Variants in CYP2C19 observed in about 807,000 individuals in gnomAD.
CYP2C19 encodes the protein cytochrome P450 family 2 subfamily C member 19, also known as cytochrome P450 2C19.
Under a neutral mutation model 40.9 loss-of-function variants are expected in CYP2C19, and 59 were observed. That is an observed-to-expected ratio of 1.44 (90% confidence interval 1.17 to 1.79). The LOEUF (loss-of-function observed/expected upper bound fraction) is 1.79, where lower values mean the gene tolerates loss of function less well. CYP2C19 is among the 40% of genes most tolerant of loss of function. The pLI, the probability that CYP2C19 is intolerant of heterozygous loss-of-function variation, is 0.00. For synonymous variants in CYP2C19, 253 were observed against 208.7 expected, an observed-to-expected ratio of 1.21 and a Z score of -1.83; for missense variants, 754 against 596.9, an observed-to-expected ratio of 1.26 and a Z score of -2.74.
intron 5 of CYP2C19, among the ~76,000 whole-genome samples, chr10:94,787,506 C>A (rs192934585): frequency 3.3e-5 from 5 of 152,102 alleles, no homozygotes; most frequent in African/African-American, 9.6e-5. Context: ...TTAATTAGGT[C>A]CCACTTGTCA....
intron 4 of CYP2C19, 106 bp from the exon 5 acceptor site, chr10:94,781,715 A>G (rs1848480122): frequency 4.3e-6 from 2 of 461,154 alleles, no homozygotes; most frequent in Non-Finnish European, 6.9e-6. Flanking sequence ...GATATACAAT[A>G]TATTTTATTT....
At chr10:94,828,987 T>C (rs1239822828) in intron 6 of CYP2C19, among the ~76,000 whole-genome samples, 2 of 152,100 alleles carry the variant, frequency 1.3e-5, no homozygotes, top group Admixed American at 6.5e-5. Context: ...TGTTGAATAT[T>C]GGCCCCCACT....
intron 5 of CYP2C19, among the ~76,000 whole-genome samples, chr10:94,784,446 T>A (rs903382160): frequency 6.6e-6 from 1 of 152,058 alleles, no homozygotes; most frequent in Non-Finnish European, 1.5e-5. Context: ...TAATTTTATG[T>A]TTATCTTCTT....
At position 94,817,208 on chromosome 10, in the gene CYP2C19, G is replaced by A. The variant is rs999607085; in HGVS notation, c.820-3288G>A. 3.1e-3 allele frequency among the ~76,000 whole-genome samples: 460 copies of A among 146,594 alleles called. 11 individuals carry two copies. The highest frequency in any genetic ancestry group is 0.011 in the African/African-American group (438 of 39,668). On this transcript the variant is annotated intron_variant, in intron 5 of 8. Transcript: ENST00000371321. ...ACAGTCCCACCAACAGTGTAAAAGT[G>A]TTCCCATTTCTCCACATCCTCTCCA...
In CYP2C19 at chr10:94,810,263, A is replaced by T. The variant is rs140115838; in HGVS notation, c.820-10233A>T. ...TGATCGTGGTGGATAAGCTTTTTGA[A>T]GTGCTGCTGGATTCAGTTTGCCAGT... On this transcript the variant is annotated intron_variant, in intron 5 of 8. Coordinates refer to ENST00000371321, the MANE Select transcript of CYP2C19 (RefSeq NM_000769.4). Among the ~76,000 whole-genome samples the T allele has an allele frequency of 4.7e-3, 713 of 152,236 alleles. 5 individuals are homozygous for T. Among genetic ancestry groups the T allele is most frequent in the African/African-American group, 0.011 (466 of 41,542 alleles).
chr10:94,762,906 T>G (rs1589815192), intron 1 of CYP2C19, 33 bp downstream of exon 1: 1 of 1,590,786 alleles, frequency 6.3e-7, no homozygotes, highest in Non-Finnish European at 8.6e-7. Context: ...TTGCAAAAGG[T>G]AAGTAAATTC....
intron 5 of CYP2C19, among the ~76,000 whole-genome samples, chr10:94,799,184 G>A (rs1215125306): frequency 6.6e-6 from 1 of 151,982 alleles, no homozygotes; most frequent in East Asian, 1.9e-4. Flanking sequence ...AGGAGCTCTT[G>A]TAAAGCAGGC....
chr10:94,772,330 G>A lies in CYP2C19; in HGVS notation c.169-2728G>A, dbSNP rs927825860. Among the ~76,000 whole-genome samples, 3 of 152,100 alleles carry A rather than the reference G, an allele frequency of 2.0e-5. No individual in the cohort carries two copies. In the East Asian group the frequency reaches 5.8e-4, roughly 29 times the overall value. ...AAAATTATGTCTTTCTGATTGGTGAGCCCGGGTGCCTAAAGAAGGTAACAG... is the reference window on the plus strand; with the variant it reads ...AAAATTATGTCTTTCTGATTGGTGAACCCGGGTGCCTAAAGAAGGTAACAG... On this transcript the variant is annotated intron_variant, in intron 1 of 8. Coordinates refer to ENST00000371321, the MANE Select transcript of CYP2C19 (RefSeq NM_000769.4).
chr10:94,765,998 T>TA (rs1442769873), intron 1 of CYP2C19, among the ~76,000 whole-genome samples: 1 of 152,110 alleles, frequency 6.6e-6, no homozygotes, highest in East Asian at 1.9e-4. Context: ...GTTGGAAATG[T>TA]AAGAATGTAA....
At chr10:94,851,231 T>C (rs1849649203) in intron 8 of CYP2C19, among the ~76,000 whole-genome samples, 1 of 148,538 alleles carries the variant, frequency 6.7e-6, no homozygotes, top group Admixed American at 6.6e-5. Flanking sequence ...TATATTTTCA[T>C]GGAAGAGCAG....
At position 94,854,242 on chromosome 10, in the gene CYP2C19, C is replaced by T. The variant is rs562508979; in HGVS notation, c.*1328C>T. 1.3e-5 allele frequency among the ~76,000 whole-genome samples: 2 copies of T among 152,044 alleles called. No homozygotes were observed. The highest frequency in any genetic ancestry group is 2.0e-4 in the East Asian group (1 of 5,124). ...CTATGTGGGCCAGGCTAGTCTTGAA[C>T]TCCTGACCTCAAGTGATCCACCCAC... On this transcript the variant is annotated 3_prime_UTR_variant, in exon 9 of 9. Coordinates refer to ENST00000371321, the MANE Select transcript of CYP2C19 (RefSeq NM_000769.4).
Position 94,827,492 on chromosome 10 carries a change from T to C in CYP2C19, c.961+6855T>C, listed in dbSNP as rs1251590386. 2.6e-5 allele frequency among the ~76,000 whole-genome samples: 4 copies of C among 152,274 alleles called. No homozygotes were observed. The East Asian group carries it at 7.7e-4, about 29-fold the overall frequency. On this transcript the variant is annotated intron_variant, in intron 6 of 8. Transcript: ENST00000371321. ...TCTCTGATGGTAGTTTGTATTTCTG[T>C]GGGATCGGTGGTGATATCCCCTTTA... is the stretch of plus-strand genomic sequence containing the variant.
At position 94,852,740 on chromosome 10, in the gene CYP2C19, G is replaced by A. The variant is rs1318239146; in HGVS notation, c.1299G>A (p.Arg433=). 6.2e-7 allele frequency: 1 copy of A among 1,613,888 alleles called. No individual in the cohort carries two copies. The highest frequency in any genetic ancestry group is 1.7e-5 in the Admixed American group (1 of 59,980). Residue 433 remains arginine, a synonymous_variant, in exon 9 of 9, where the codon CGG becomes CGA. Transcript: ENST00000371321. ...TATGTTTGTTATTTTCAGGAAAACG[G>A]ATTTGTGTGGGAGAGGGCCTGGCCC... ...NYFMPFSAGK[R]ICVGEGLARM... is the part of the protein sequence containing the mutation.
intron 6 of CYP2C19, among the ~76,000 whole-genome samples, chr10:94,822,352 A>G (rs968429497): frequency 4.6e-5 from 7 of 152,168 alleles, no homozygotes; most frequent in African/African-American, 9.7e-5. Context: ...ATTATGTCCC[A>G]TTGAGTCCCT....
At chr10:94,810,458 T>A (rs961440765) in intron 5 of CYP2C19, among the ~76,000 whole-genome samples, 3 of 152,192 alleles carry the variant, frequency 2.0e-5, no homozygotes, top group Non-Finnish European at 4.4e-5. Flanking sequence ...TCAGAAGGAA[T>A]GGTACCAGCT....
chr10:94,835,513 T>C (rs544449017), intron 6 of CYP2C19, among the ~76,000 whole-genome samples: 1 of 152,166 alleles, frequency 6.6e-6, no homozygotes, highest in Admixed American at 6.5e-5. Flanking sequence ...TCTATAAGCA[T>C]TTCTAATGGA....
chr10:94,782,483 A>G (rs1031646435), intron 5 of CYP2C19, among the ~76,000 whole-genome samples: 8 of 152,114 alleles, frequency 5.3e-5, no homozygotes, highest in South Asian at 2.1e-4. Flanking sequence ...AGGATGTGGA[A>G]AAATAGAAAT....
intron 8 of CYP2C19, 96 bp from the exon 9 acceptor site, chr10:94,852,637 C>A: frequency 7.4e-7 from 1 of 1,356,312 alleles, no homozygotes; most frequent in Non-Finnish European, 1.0e-6. Flanking sequence ...CCGAACAGTT[C>A]TTGCATATTC....
rs1849691937 is a variant in CYP2C19 at position 94,853,757 on chromosome 10, AG to A, written c.*845del. Among the ~76,000 whole-genome samples, 1 of 151,996 alleles carries A rather than the reference AG, an allele frequency of 6.6e-6. No homozygotes were observed. On this transcript the variant is annotated 3_prime_UTR_variant, in exon 9 of 9. Coordinates refer to ENST00000371321, the MANE Select transcript of CYP2C19 (RefSeq NM_000769.4). ...CAGACAGGGTTTCACCATGTTAGCC[AG>A]GATGATCTCAATCTGCTGACCTCCT...
Sources: gnomAD v4.1 joint callset for allele counts (sites outside exome capture counted in the v4.1 genomes callset) on GRCh38, gnomAD v4.1.1 for gene constraint, MANE v1.5 for transcripts, NCBI Gene and HGNC (gene_info 2026-07-23, HGNC 2026-07-21) for gene names.